The following LGSN variants were observed in gnomAD, a reference collection of about 807,000 sequenced individuals.
LGSN encodes the protein lengsin.
A neutral mutation model predicts 19.5 loss-of-function variants in LGSN; 21 were observed. That is an observed-to-expected ratio of 1.07 (90% CI 0.76 to 1.55). LGSN has a LOEUF of 1.55. Ranked by LOEUF, LGSN falls within the 40% of genes most tolerant of loss-of-function variation. LGSN has a pLI of 0.00. For synonymous variants in LGSN, 257 were observed against 215.6 expected (o/e 1.19, Z -1.68); for missense variants, 673 against 608.5 (o/e 1.11, Z -1.12).
At chr6:63,443,257 C>T in the LGSN span, among the ~76,000 whole-genome samples, 5 of 152,230 alleles carry the variant, frequency 3.3e-5, no homozygotes, top group African/African-American at 4.8e-5. Flanking sequence ...CTGCCGAGCC[C>T]GCGCCCACCT....
At chr6:63,282,875 A>G (rs906553973) in intron 3 of LGSN, among the ~76,000 whole-genome samples, 9 of 152,138 alleles carry the variant, frequency 5.9e-5, no homozygotes, top group Non-Finnish European at 4.4e-5. Flanking sequence ...TATTTTCACT[A>G]TAAGCAATAA....
At chr6:63,322,790 TA>T (rs1367580316), upstream of LGSN, among the ~76,000 whole-genome samples, 2 of 152,140 alleles carry the variant, frequency 1.3e-5, no homozygotes, top group Non-Finnish European at 2.9e-5. Context: ...AACCGATGAT[TA>T]AAAAATATTG....
chr6:63,332,740 A>G, the LGSN span, among the ~76,000 whole-genome samples: 1 of 152,138 alleles, frequency 6.6e-6, no homozygotes, highest in Non-Finnish European at 1.5e-5. Context: ...GATGGTACTC[A>G]CTGCTTGGTG....
the LGSN span, among the ~76,000 whole-genome samples, chr6:63,444,221 CA>C: frequency 6.2e-3 from 918 of 147,452 alleles, 7 homozygotes; most frequent in African/African-American, 0.021. Context: ...ATCTCTTTTT[CA>C]AAAAAAAAAT....
chr6:63,446,690 G>C, the LGSN span, among the ~76,000 whole-genome samples: 4 of 152,214 alleles, frequency 2.6e-5, no homozygotes, highest in Admixed American at 2.0e-4. Context: ...TTCAGTTCAT[G>C]CTGGCTGTTA....
At chr6:63,532,569 C>CA in the LGSN span, among the ~76,000 whole-genome samples, 48 of 148,618 alleles carry the variant, frequency 3.2e-4, no homozygotes, top group Admixed American at 6.7e-4. Flanking sequence ...ATTAAATCCA[C>CA]AAAAAAAAAA....
chr6:63,403,184 A>G, the LGSN span, among the ~76,000 whole-genome samples: 1 of 152,180 alleles, frequency 6.6e-6, no homozygotes, highest in Non-Finnish European at 1.5e-5. Context: ...TATGGATGTT[A>G]AAGTCTAGGA....
At chr6:63,283,264 G>A (rs543448019) in intron 3 of LGSN, among the ~76,000 whole-genome samples, 5 of 151,978 alleles carry the variant, frequency 3.3e-5, no homozygotes, top group Non-Finnish European at 7.4e-5. Flanking sequence ...ATAATATATT[G>A]TCTTAAGTAG....
At chr6:63,292,500 A>G (rs1051047809) in intron 2 of LGSN, among the ~76,000 whole-genome samples, 1 of 152,152 alleles carries the variant, frequency 6.6e-6, no homozygotes, top group African/African-American at 2.4e-5. Flanking sequence ...CAGAAACTCT[A>G]ACAATGTTAC....
the LGSN span, among the ~76,000 whole-genome samples, chr6:63,427,459 G>A: frequency 1.2e-3 from 188 of 152,068 alleles, 3 homozygotes; most frequent in African/African-American, 3.9e-3. Flanking sequence ...AATATAAGCC[G>A]AGGCAGATTA....
At chr6:63,426,251 T>C in the LGSN span, among the ~76,000 whole-genome samples, 2 of 152,182 alleles carry the variant, frequency 1.3e-5, no homozygotes, top group East Asian at 3.8e-4. Context: ...TCCTTAGAGA[T>C]TTGCTTTTCC....
the LGSN span, among the ~76,000 whole-genome samples, chr6:63,362,065 C>A: frequency 6.6e-6 from 1 of 152,168 alleles, no homozygotes. Context: ...GGAAGTTCTT[C>A]AGAGGCAGTA....
At chr6:63,384,856 G>A in the LGSN span, among the ~76,000 whole-genome samples, 1 of 152,232 alleles carries the variant, frequency 6.6e-6, no homozygotes, top group South Asian at 2.1e-4. Context: ...AATTAAATGA[G>A]GTTTTATGGG....
the LGSN span, among the ~76,000 whole-genome samples, chr6:63,389,889 G>A: frequency 2.0e-5 from 3 of 152,006 alleles, no homozygotes. Flanking sequence ...GTGCATTAAT[G>A]TACATGCTTC....
At chr6:63,526,018 A>G in the LGSN span, among the ~76,000 whole-genome samples, 1 of 152,106 alleles carries the variant, frequency 6.6e-6, no homozygotes, top group Non-Finnish European at 1.5e-5. Context: ...CAACCACTAT[A>G]TTTTATTGCC....
the LGSN span, among the ~76,000 whole-genome samples, chr6:63,495,449 TC>T: frequency 3.3e-5 from 4 of 120,278 alleles, no homozygotes; most frequent in African/African-American, 7.8e-5. Context: ...TTTCTTTTTT[TC>T]TTTTTCTTTT....
In LGSN at chr6:63,277,239, T is replaced by C. The variant is rs1277921808; in HGVS notation, c.*2782A>G. The C allele has an allele frequency of 1.3e-5, 2 of 152,190 alleles. No individual in the cohort carries two copies. The highest frequency in any genetic ancestry group is 2.9e-5 in the Non-Finnish European group (2 of 68,022). 9.4% of individuals were successfully genotyped at this position (152,190 alleles called of 1,614,324 possible). On this transcript the variant is annotated 3_prime_UTR_variant, in exon 4 of 4. Coordinates refer to ENST00000370657, the MANE Select transcript of LGSN (RefSeq NM_016571.3). Reference sequence around the variant, plus strand: ...TTTACAGCATCTTTACTCATTATGGTAAAATGAAGTCAATGCATTAGACAT... The same window carrying C: ...TTTACAGCATCTTTACTCATTATGGCAAAATGAAGTCAATGCATTAGACAT...
At chr6:63,383,256 T>A in the LGSN span, among the ~76,000 whole-genome samples, 1 of 151,824 alleles carries the variant, frequency 6.6e-6, no homozygotes, top group East Asian at 1.9e-4. Flanking sequence ...AGCCACCACA[T>A]CCAACCAAGA....
the LGSN span, among the ~76,000 whole-genome samples, chr6:63,544,899 C>G: frequency 6.6e-6 from 1 of 152,110 alleles, no homozygotes; most frequent in Admixed American, 6.6e-5. Context: ...CTACTTTTCC[C>G]TTTACAATTA....
Sources: gnomAD v4.1 joint callset for allele counts (sites outside exome capture counted in the v4.1 genomes callset) on GRCh38, gnomAD v4.1.1 for gene constraint, MANE v1.5 for transcripts, NCBI Gene and HGNC (gene_info 2026-07-23, HGNC 2026-07-21) for gene names.